The following ABCG1 variants were observed in gnomAD, a reference collection of about 807,000 sequenced individuals.
ABCG1 encodes the protein ATP-binding cassette sub-family G member 1.
In ABCG1, 29 loss-of-function variants were observed where a neutral mutation model predicts 69.2. That is an observed-to-expected ratio of 0.42 (90% confidence interval 0.31 to 0.57). ABCG1 has a LOEUF of 0.57. ABCG1 is among the 20% of genes least tolerant of loss of function. The probability of loss-of-function intolerance (pLI) is 0.15; values close to 1 mark genes in which losing one functional copy is unlikely to be tolerated. For missense variants in ABCG1, 718 were observed against 898.1 expected, an observed-to-expected ratio of 0.80 and a Z score of 2.56; for synonymous variants, 370 against 374.8, an observed-to-expected ratio of 0.99 and a Z score of 0.15.
intron 2 of ABCG1, among the ~76,000 whole-genome samples, chr21:42,233,830 C>G (rs564052290): frequency 1.3e-5 from 2 of 152,348 alleles, no homozygotes; most frequent in East Asian, 3.9e-4. Context: ...GGGTGGAACC[C>G]GCTGGAAGGG....
In ABCG1 at chr21:42,287,862, G is replaced by C. The variant is rs749928500; in HGVS notation, c.974-27G>C. Reference sequence around the variant, plus strand: ...TTGGGGTGTCCTTCCTGGAGCCCGGGCTGACCCCCGTCTGTGTCTCCTGCA... The same window carrying C: ...TTGGGGTGTCCTTCCTGGAGCCCGGCCTGACCCCCGTCTGTGTCTCCTGCA... On this transcript the variant is annotated intron_variant, in intron 8 of 14. Coordinates refer to ENST00000398449, the MANE Select transcript of ABCG1 (RefSeq NM_016818.3). This position sits in a 1 kb window ranked among gnomAD's most constrained non-coding sequence, Gnocchi z 6.2. The C allele has an allele frequency of 1.3e-6, 2 of 1,534,052 alleles. No individual in the cohort carries two copies. Among genetic ancestry groups the C allele is most frequent in the African/African-American group, 2.8e-5 (2 of 72,216 alleles).
chr21:42,263,980 T>A (rs1301981751), intron 2 of ABCG1, among the ~76,000 whole-genome samples: 1 of 152,186 alleles, frequency 6.6e-6, no homozygotes, highest in Non-Finnish European at 1.5e-5. Flanking sequence ...CAGGCTCCAT[T>A]CCAGGTTCGC....
intron 1 of ABCG1, among the ~76,000 whole-genome samples, chr21:42,222,526 G>A (rs566263875): frequency 9.8e-5 from 15 of 152,318 alleles, no homozygotes; most frequent in South Asian, 2.1e-4. Flanking sequence ...GTCAAGGGCC[G>A]TTACAGAGGC....
intron 2 of ABCG1, among the ~76,000 whole-genome samples, chr21:42,258,709 T>C (rs1412615881): frequency 6.6e-6 from 1 of 152,154 alleles, no homozygotes; most frequent in East Asian, 1.9e-4. Flanking sequence ...GAGGTCAGCC[T>C]TCCTCTGCCT....
chr21:42,281,837 G>A (rs1010834295), intron 5 of ABCG1, among the ~76,000 whole-genome samples: 11 of 152,186 alleles, frequency 7.2e-5, no homozygotes, highest in South Asian at 2.1e-4. Flanking sequence ...CCTCCCCTTC[G>A]TTCTGGGCAG....
intron 1 of ABCG1, among the ~76,000 whole-genome samples, chr21:42,225,339 T>C (rs1466943834): frequency 6.6e-6 from 1 of 152,200 alleles, no homozygotes; most frequent in Admixed American, 6.5e-5. Flanking sequence ...GGACTGTAAA[T>C]AGATCGATGC....
At chr21:42,259,359 C>T (rs1302820591) in intron 2 of ABCG1, 4 of 1,550,364 alleles carry the variant, frequency 2.6e-6, no homozygotes, top group Non-Finnish European at 3.5e-6. Flanking sequence ...TTCTGCTAAA[C>T]TGGAGAGCTC....
intron 2 of ABCG1, among the ~76,000 whole-genome samples, chr21:42,230,450 G>C (rs893298576): frequency 6.6e-6 from 1 of 152,250 alleles, no homozygotes; most frequent in Admixed American, 6.5e-5. Flanking sequence ...CACAAACTGC[G>C]CTGGGGACAG....
At chr21:42,224,728 C>A (rs1326734670) in intron 1 of ABCG1, among the ~76,000 whole-genome samples, 1 of 152,158 alleles carries the variant, frequency 6.6e-6, no homozygotes, top group African/African-American at 2.4e-5. Context: ...GCAATTTGCT[C>A]CCCCAGGGTT....
chr21:42,257,059 G>A (rs1018136269), intron 2 of ABCG1, among the ~76,000 whole-genome samples: 2 of 152,190 alleles, frequency 1.3e-5, no homozygotes, highest in African/African-American at 4.8e-5. Flanking sequence ...ACATTCTCTT[G>A]TTTGGTCTTC....
At chr21:42,253,114 C>T (rs900520029) in intron 2 of ABCG1, among the ~76,000 whole-genome samples, 11 of 152,134 alleles carry the variant, frequency 7.2e-5, no homozygotes, top group African/African-American at 2.4e-4. Flanking sequence ...AGATGCTAGC[C>T]TTGGAGGAGC....
In ABCG1 at chr21:42,204,072, A is replaced by C. The variant is rs374249317; in HGVS notation, c.48+2349A>C. Among the ~76,000 whole-genome samples the C allele has an allele frequency of 2.6e-4, 40 of 152,314 alleles. 2 individuals are homozygous for C. In the South Asian group the frequency reaches 7.0e-3, roughly 27 times the overall value. ...GTTCATTGACAGAGCATAGAAATAAAATTTATGTATGTTTATCTTGTATCC... is the reference window on the plus strand; with the variant it reads ...GTTCATTGACAGAGCATAGAAATAACATTTATGTATGTTTATCTTGTATCC... On this transcript the variant is annotated intron_variant, in intron 2 of 15. Transcript: ENST00000398457.
intron 7 of ABCG1, among the ~76,000 whole-genome samples, chr21:42,285,521 T>C (rs931662913): frequency 7.4e-5 from 11 of 149,538 alleles, no homozygotes; most frequent in African/African-American, 2.7e-4. Context: ...AAAAAAAAGA[T>C]GAACAAACAA....
At chr21:42,283,676 A>ACC (rs1569236348) in intron 6 of ABCG1, among the ~76,000 whole-genome samples, 1 of 114,532 alleles carries the variant, frequency 8.7e-6, no homozygotes, top group African/African-American at 3.4e-5. Context: ...ATGAGTGGGG[A>ACC]ACCCCCACCT....
At chr21:42,255,506 G>A (rs1376593529) in intron 2 of ABCG1, among the ~76,000 whole-genome samples, 1 of 152,146 alleles carries the variant, frequency 6.6e-6, no homozygotes, top group East Asian at 1.9e-4. Context: ...GCATGGGTGT[G>A]TATCATGGCC....
rs918120582 is a variant in ABCG1, at chr21:42,263,426, C to T, written c.287-7644C>T. ...TAGCCCTGAAGCGACAGGAAGGGGA[C>T]GTGAGGGAGCTCCTAGGAGTGGGCC... is the stretch of plus-strand genomic sequence containing the variant. On this transcript the variant is annotated intron_variant, in intron 2 of 14. Transcript: ENST00000398449. 3.9e-5 allele frequency among the ~76,000 whole-genome samples: 6 copies of T among 152,122 alleles called. No individual in the cohort carries two copies. In the South Asian group the frequency reaches 6.2e-4, roughly 16 times the overall value.
At chr21:42,261,334 GT>G (rs1468059835) in intron 2 of ABCG1, among the ~76,000 whole-genome samples, 1 of 152,198 alleles carries the variant, frequency 6.6e-6, no homozygotes, top group African/African-American at 2.4e-5. Flanking sequence ...GTGTTTTGAT[GT>G]TTGCGGTTGG....
In ABCG1 at chr21:42,287,754, C is replaced by A; in HGVS notation, c.974-135C>A. 1 of 886,062 alleles carries A rather than the reference C, an allele frequency of 1.1e-6. No individual in the cohort carries two copies. Among genetic ancestry groups the A allele is most frequent in the Non-Finnish European group, 1.7e-6 (1 of 591,866 alleles). The allele number at this position is 886,062 out of a possible 1,614,324, so 54.9% of individuals were successfully genotyped here. A position where few individuals can be genotyped will look rare whatever the true frequency, so the allele number is the denominator to read the frequency against. On this transcript the variant is annotated intron_variant, in intron 8 of 14. Coordinates refer to ENST00000398449, the MANE Select transcript of ABCG1 (RefSeq NM_016818.3). This position sits in a 1 kb window ranked among gnomAD's most constrained non-coding sequence, Gnocchi z 6.2. The stretch of plus-strand genomic sequence containing the variant: ...GCTGGTTGATAAATGATTTTGACGT[C>A]ATGCCATTAGCACCGCCACGCAGCA...
intron 5 of ABCG1, among the ~76,000 whole-genome samples, chr21:42,281,255 G>A (rs1003828989): frequency 2.6e-5 from 4 of 152,166 alleles, no homozygotes; most frequent in Admixed American, 6.5e-5. Flanking sequence ...GGCTCCCAGG[G>A]GCCGGCCACC....
Sources: allele counts gnomAD v4.1 joint callset (sites outside exome capture counted in the v4.1 genomes callset), GRCh38; gene constraint gnomAD v4.1.1; non-coding constraint Gnocchi (gnomAD v3.1); transcripts MANE v1.5; gene names NCBI Gene and HGNC (gene_info 2026-07-23, HGNC 2026-07-21).